Variants in TMEM117 observed in about 807,000 individuals in gnomAD.
TMEM117 encodes transmembrane protein 117.
Under a neutral mutation model 52.4 loss-of-function variants are expected in TMEM117, and 27 were observed. The observed-to-expected ratio is 0.51, with a 90% CI of 0.38 to 0.71. The LOEUF is 0.71. Among genes scored for constraint, TMEM117 ranks in the 30% least tolerant of loss-of-function variants. The pLI is 0.00. For synonymous variants in TMEM117, 215 were observed against 206.3 expected (o/e 1.04, Z -0.36); for missense variants, 556 against 630.5 (o/e 0.88, Z 1.26).
At chr12:44,335,897 A>G (rs575951412) in intron 6 of TMEM117, among the ~76,000 whole-genome samples, 2 of 152,160 alleles carry the variant, frequency 1.3e-5, no homozygotes, top group East Asian at 3.9e-4. Context: ...TACATACACT[A>G]CAATCTAAAG....
At chr12:43,863,997 C>T (rs911056676) in intron 2 of TMEM117, among the ~76,000 whole-genome samples, 10 of 152,194 alleles carry the variant, frequency 6.6e-5, no homozygotes, top group East Asian at 5.8e-4. Context: ...TCGGAGCTGC[C>T]GGCCAGCCAG....
rs572087469 is a variant in TMEM117 at position 43,925,618 on chromosome 12, G to A, written c.278-18592G>A. Among the ~76,000 whole-genome samples the A allele has an allele frequency of 1.9e-3, 287 of 152,182 alleles. 3 individuals carry two copies. Among genetic ancestry groups the A allele is most frequent in the African/African-American group, 6.5e-3 (271 of 41,528 alleles). On this transcript the variant is annotated intron_variant, in intron 2 of 7. Coordinates refer to ENST00000266534, the MANE Select transcript of TMEM117 (RefSeq NM_032256.3). ...TTTCCCAGGGTTTCCACATTTATAA[G>A]CCCCCAGGCTGCTAAAATGAAGGTG...
intron 2 of TMEM117, among the ~76,000 whole-genome samples, chr12:43,869,960 C>T (rs1943675241): frequency 6.6e-6 from 1 of 152,128 alleles, no homozygotes; most frequent in South Asian, 2.1e-4. Flanking sequence ...TGTGTTGTTC[C>T]CCTCCATGTG....
At chr12:43,882,460 CAAAA>C (rs57833998) in intron 2 of TMEM117, among the ~76,000 whole-genome samples, 1 of 117,244 alleles carries the variant, frequency 8.5e-6, no homozygotes, top group African/African-American at 3.5e-5. Context: ...AACTTCATCT[CAAAA>C]AAAAAAAAAA....
At chr12:43,795,814 T>C in the TMEM117 span, 8 of 1,564,338 alleles carry the variant, frequency 5.1e-6, no homozygotes, top group Non-Finnish European at 6.1e-6. Context: ...AACAAGCTGG[T>C]TTTCAGGTAT....
intron 3 of TMEM117, 86 bp from the exon 4 acceptor site, chr12:44,143,439 A>G (rs943921294): frequency 3.1e-5 from 28 of 906,778 alleles, no homozygotes; most frequent in Non-Finnish European, 2.2e-5. Flanking sequence ...GAATGGGAGA[A>G]GTCCCTTTGC....
rs1160878906 is a variant in TMEM117 at position 44,008,351 on chromosome 12, G to A, written c.410+64009G>A. Among the ~76,000 whole-genome samples, 6 of 152,210 alleles carry A rather than the reference G, an allele frequency of 3.9e-5. No individual in the cohort carries two copies. The South Asian group carries it at 8.3e-4, about 21-fold the overall frequency. ...AGATGACTGGGGCTGGGGAAGCTTC[G>A]AATAACCAGATACATACATATAGAT... is the stretch of plus-strand genomic sequence containing the variant. On this transcript the variant is annotated intron_variant, in intron 3 of 7. Coordinates refer to ENST00000266534, the MANE Select transcript of TMEM117 (RefSeq NM_032256.3).
chr12:44,103,292 A>G (rs749819703), intron 3 of TMEM117, among the ~76,000 whole-genome samples: 2 of 150,906 alleles, frequency 1.3e-5, no homozygotes, highest in South Asian at 2.1e-4. Context: ...CCAGTTAACT[A>G]TAAAGTTCCT....
chr12:44,135,158 C>T (rs1280182964), intron 3 of TMEM117, among the ~76,000 whole-genome samples: 2 of 152,170 alleles, frequency 1.3e-5, no homozygotes, highest in Admixed American at 1.3e-4. Flanking sequence ...TTCCTTCTTT[C>T]TCTCTTTTTG....
At chr12:44,104,063 A>C (rs574234417) in intron 3 of TMEM117, among the ~76,000 whole-genome samples, 1 of 152,170 alleles carries the variant, frequency 6.6e-6, no homozygotes, top group East Asian at 1.9e-4. Context: ...AGAGAGGAGC[A>C]GTGGTCATTA....
At chr12:44,349,152 T>C (rs146899379) in intron 6 of TMEM117, among the ~76,000 whole-genome samples, 3 of 152,170 alleles carry the variant, frequency 2.0e-5, no homozygotes, top group African/African-American at 4.8e-5. Flanking sequence ...TAGACTGTTA[T>C]CAATGATAAC....
chr12:43,801,333 T>C, the TMEM117 span, among the ~76,000 whole-genome samples: 5 of 152,144 alleles, frequency 3.3e-5, no homozygotes, highest in Non-Finnish European at 7.4e-5. Flanking sequence ...AACTACCAAT[T>C]AACAAATAAT....
intron 6 of TMEM117, among the ~76,000 whole-genome samples, chr12:44,345,471 T>G (rs1439583095): frequency 6.6e-6 from 1 of 152,154 alleles, no homozygotes; most frequent in East Asian, 1.9e-4. Flanking sequence ...TTTTCTCATT[T>G]TGTAAAACAG....
intron 3 of TMEM117, among the ~76,000 whole-genome samples, chr12:44,119,156 C>G (rs1179759578): frequency 6.6e-6 from 1 of 152,124 alleles, no homozygotes; most frequent in Non-Finnish European, 1.5e-5. Flanking sequence ...CTTGTTGCAG[C>G]CAGAAGGTCT....
chr12:44,180,217 C>G (rs1354509114), intron 4 of TMEM117, among the ~76,000 whole-genome samples: 1 of 151,964 alleles, frequency 6.6e-6, no homozygotes, highest in East Asian at 1.9e-4. Flanking sequence ...CTGTGATCAC[C>G]ATCACCATCA....
chr12:44,088,839 T>C (rs1278447449), intron 3 of TMEM117, among the ~76,000 whole-genome samples: 2 of 152,224 alleles, frequency 1.3e-5, no homozygotes, highest in African/African-American at 2.4e-5. Flanking sequence ...TTTCCTGGGC[T>C]GAACTGTTGC....
At chr12:43,997,869 G>T (rs746368984) in intron 3 of TMEM117, among the ~76,000 whole-genome samples, 6 of 152,152 alleles carry the variant, frequency 3.9e-5, no homozygotes, top group Admixed American at 6.6e-5. Flanking sequence ...CCTTTCCCAA[G>T]ATCACATACC....
chr12:43,864,308 C>G (rs55913788), intron 2 of TMEM117, among the ~76,000 whole-genome samples: 9,261 of 152,336 alleles, frequency 0.061, 349 homozygotes, highest in Middle Eastern at 0.13. Flanking sequence ...GACTGGCAGG[C>G]AGCTCTATCT....
At chr12:44,077,959 CA>C (rs1395054533) in intron 3 of TMEM117, among the ~76,000 whole-genome samples, 7 of 151,960 alleles carry the variant, frequency 4.6e-5, no homozygotes, top group African/African-American at 1.7e-4. Context: ...TTTACAAACT[CA>C]AAAGAAGGAG....
Sources: allele counts gnomAD v4.1 joint callset (sites outside exome capture counted in the v4.1 genomes callset), GRCh38; gene constraint gnomAD v4.1.1; transcripts MANE v1.5; gene names NCBI Gene and HGNC (gene_info 2026-07-23, HGNC 2026-07-21).